The following ATRX variants were observed in gnomAD, a reference collection of about 807,000 sequenced individuals.
The protein encoded by ATRX is ATRX chromatin remodeler.
ATRX carries 12 observed loss-of-function variants against 172.6 expected under a neutral mutation model. That is an observed-to-expected ratio of 0.07 (90% CI 0.04 to 0.11). The LOEUF is 0.11. Among genes scored for constraint, ATRX ranks in the 10% least tolerant of loss-of-function variants. The pLI is 1.00. For missense variants in ATRX, 1,368 were observed against 1,767.4 expected, an observed-to-expected ratio of 0.77 and a Z score of 4.05; for synonymous variants, 674 against 594.7, an observed-to-expected ratio of 1.13 and a Z score of -1.94.
At chrX:77,723,044 A>G (rs2073855305) in intron 1 of ATRX, among the ~76,000 whole-genome samples, 1 of 111,892 alleles carries the variant, frequency 8.9e-6, no homozygotes, top group African/African-American at 3.3e-5. Flanking sequence ...TTGCAGGGAC[A>G]TGGATGGAGC....
rs193070522 is a variant in ATRX, at chrX:77,512,671, C to T, written c.7201-4042G>A. Among the ~76,000 whole-genome samples, 4 of 111,113 alleles carry T rather than the reference C, an allele frequency of 3.6e-5. 1 individual carries two copies. The Admixed American group carries it at 3.8e-4, about 11-fold the overall frequency. Reference sequence around the variant, plus strand: ...ATCACCTGAGGTCAGTAGTTCGAGACCAGCCTGGCCAACATGGTGAAACCC... The same window carrying T: ...ATCACCTGAGGTCAGTAGTTCGAGATCAGCCTGGCCAACATGGTGAAACCC... On this transcript the variant is annotated intron_variant, in intron 34 of 34. Coordinates refer to ENST00000373344, the MANE Select transcript of ATRX (RefSeq NM_000489.6).
At chrX:77,518,621 C>T (rs2063129439) in intron 34 of ATRX, among the ~76,000 whole-genome samples, 1 of 111,508 alleles carries the variant, frequency 9.0e-6, no homozygotes, top group East Asian at 2.8e-4. Context: ...ATCAAAATAC[C>T]AATGACATTC....
chrX:77,513,316 C>CAAAAA (rs1217104194), intron 34 of ATRX, among the ~76,000 whole-genome samples: 2 of 25,653 alleles, frequency 7.8e-5, no homozygotes, highest in Middle Eastern at 0.059. Flanking sequence ...GACTCCGTCT[C>CAAAAA]AAAAAAAAAA....
chrX:77,760,259 C>CA (rs1226475230), intron 1 of ATRX, among the ~76,000 whole-genome samples: 58 of 82,627 alleles, frequency 7.0e-4, no homozygotes, highest in South Asian at 3.3e-3. Context: ...AGCAAACAAA[C>CA]AAAAAAAAAA....
At chrX:77,589,737 G>A (rs1053473105) in intron 27 of ATRX, 97 bp downstream of exon 27, 4 of 744,570 alleles carry the variant, frequency 5.4e-6, no homozygotes, top group African/African-American at 2.1e-5. Context: ...AGAGTTGTGA[G>A]ACTGGGTAGT....
intron 28 of ATRX, among the ~76,000 whole-genome samples, chrX:77,563,407 A>G (rs1213698930): frequency 8.9e-6 from 1 of 112,261 alleles, no homozygotes; most frequent in Non-Finnish European, 1.9e-5. Flanking sequence ...AATTTCTCTG[A>G]TAATTAATAA....
At chrX:77,738,558 CTTTTTTTTTTTT>C (rs781834798) in intron 1 of ATRX, among the ~76,000 whole-genome samples, 1 of 73,543 alleles carries the variant, frequency 1.4e-5, no homozygotes, top group Non-Finnish European at 2.6e-5. Context: ...TCTTTTGTGT[CTTTTTTTTTTTT>C]TTTTTTTTTT....
intron 1 of ATRX, among the ~76,000 whole-genome samples, chrX:77,735,343 T>C (rs1340488387): frequency 9.0e-6 from 1 of 111,558 alleles, no homozygotes; most frequent in Non-Finnish European, 1.9e-5. Flanking sequence ...ACGCCTGTAA[T>C]CCCAGCACTT....
intron 34 of ATRX, among the ~76,000 whole-genome samples, chrX:77,512,746 A>C (rs184345521): frequency 1.8e-5 from 2 of 110,535 alleles, no homozygotes; most frequent in Non-Finnish European, 3.8e-5. Flanking sequence ...GCGGGTGCTT[A>C]TAATTCCAGC....
At chrX:77,763,905 G>C (rs192151972) in intron 1 of ATRX, among the ~76,000 whole-genome samples, 1,503 of 111,292 alleles carry the variant, frequency 0.014, 17 homozygotes, top group Non-Finnish European at 0.021. Flanking sequence ...CTTGAGCTTA[G>C]GGGTTTAAGA....
At chrX:77,521,323 T>A in intron 33 of ATRX, 80 bp downstream of exon 33, 1 of 752,095 alleles carries the variant, frequency 1.3e-6, no homozygotes, top group South Asian at 2.2e-5. Flanking sequence ...GAAGGAACAA[T>A]TAAAAATTTA....
intron 27 of ATRX, among the ~76,000 whole-genome samples, chrX:77,576,862 T>C (rs1483310315): frequency 3.6e-5 from 4 of 111,946 alleles, no homozygotes; most frequent in Non-Finnish European, 5.6e-5. Context: ...ATAGGAATCA[T>C]GTAATATTTG....
chrX:77,644,628 A>G (rs2068818538), intron 15 of ATRX, among the ~76,000 whole-genome samples: 1 of 110,722 alleles, frequency 9.0e-6, no homozygotes, highest in South Asian at 3.9e-4. Context: ...TGGCCCAATC[A>G]AAAGAGGATG....
chrX:77,576,983 A>G, intron 27 of ATRX, among the ~76,000 whole-genome samples: 1 of 111,830 alleles, frequency 8.9e-6, no homozygotes, highest in African/African-American at 3.2e-5. Context: ...GTTCCACTGT[A>G]TGTATATACC....
intron 34 of ATRX, among the ~76,000 whole-genome samples, chrX:77,512,114 T>C (rs2062889740): frequency 9.0e-6 from 1 of 111,684 alleles, no homozygotes; most frequent in Admixed American, 9.4e-5. Flanking sequence ...GGAGCTCCAA[T>C]ACATCTGGCA....
At chrX:77,515,531 T>C (rs1332263487) in intron 34 of ATRX, among the ~76,000 whole-genome samples, 2 of 111,284 alleles carry the variant, frequency 1.8e-5, no homozygotes, top group African/African-American at 6.5e-5. Flanking sequence ...CTACTCATAC[T>C]CACGTCCCCT....
chrX:77,620,623 G>A (rs187211138), intron 19 of ATRX, 91 bp from the exon 20 acceptor site: 2 of 843,222 alleles, frequency 2.4e-6, no homozygotes, highest in East Asian at 6.9e-5. Flanking sequence ...TCCCTTTAAA[G>A]TGCTGATCTT....
At chrX:77,517,824 T>C (rs1382343983) in intron 34 of ATRX, among the ~76,000 whole-genome samples, 1 of 112,056 alleles carries the variant, frequency 8.9e-6, no homozygotes, top group Non-Finnish European at 1.9e-5. Flanking sequence ...TTGTTGAACA[T>C]GACCAAGTGG....
intron 34 of ATRX, among the ~76,000 whole-genome samples, chrX:77,513,331 A>AG (rs2147688953): frequency 9.3e-6 from 1 of 107,901 alleles, no homozygotes; most frequent in East Asian, 2.9e-4. Flanking sequence ...AAAAAAAAAA[A>AG]AAAAAAAAAA....
Sources: allele counts gnomAD v4.1 joint callset (sites outside exome capture counted in the v4.1 genomes callset), GRCh38; gene constraint gnomAD v4.1.1; transcripts MANE v1.5; gene names NCBI Gene and HGNC (gene_info 2026-07-23, HGNC 2026-07-21).